The following APLNR variants were observed in gnomAD, a reference collection of about 807,000 sequenced individuals.
APLNR encodes apelin receptor.
Under a neutral mutation model 23.4 loss-of-function variants are expected in APLNR, and 13 were observed. That is an observed-to-expected ratio of 0.56 (90% CI 0.36 to 0.88). APLNR has a LOEUF of 0.88. Among genes scored for constraint, APLNR ranks in the 40% least tolerant of loss-of-function variants. The pLI is 0.01. For synonymous variants in APLNR, 234 were observed against 211.9 expected, an observed-to-expected ratio of 1.10 and a Z score of -0.91; for missense variants, 480 against 517.1, an observed-to-expected ratio of 0.93 and a Z score of 0.70.
At position 57,235,751 on chromosome 11, in the gene APLNR, C is replaced by A; in HGVS notation, c.*111G>T. On this transcript the variant is annotated 3_prime_UTR_variant, in exon 1 of 1. Coordinates refer to ENST00000606794, the MANE Select transcript of APLNR (RefSeq NM_005161.6). ...GACAGGGCGGGGCAGAATCAGGGGA[C>A]AGTTAAAGGATGTGCATAGGACAAG... 2 of 1,234,602 alleles carry A rather than the reference C, an allele frequency of 1.6e-6. No individual in the cohort carries two copies. Among genetic ancestry groups the A allele is most frequent in the Non-Finnish European group, 2.2e-6 (2 of 891,794 alleles). 76.5% of individuals were successfully genotyped at this position (1,234,602 alleles called of 1,614,324 possible).
rs769817882 is a variant in APLNR, at chr11:57,235,961, C to T, written c.1044G>A (p.Ser348=). The T allele has an allele frequency of 3.1e-6, 5 of 1,614,146 alleles. No homozygotes were observed. The highest frequency in any genetic ancestry group is 4.2e-6 in the Non-Finnish European group (5 of 1,180,052). ...SSGEKSASYS[S]GHSQGPGPNM... is the part of the protein sequence containing the mutation. The stretch of plus-strand genomic sequence containing the variant: ...TGGGGCCGGGCCCCTGGCTGTGCCC[C>T]GAAGAGTAGCTGGCTGACTTCTCCC... The change falls in exon 1 of 1, where the codon TCG becomes TCA. Residue 348 remains serine, a synonymous_variant. Transcript: ENST00000606794.
At position 57,234,844 on chromosome 11, in the gene APLNR, G is replaced by C. The variant is rs1044553315; in HGVS notation, c.*1018C>G. On this transcript the variant is annotated 3_prime_UTR_variant, in exon 1 of 1. Coordinates refer to ENST00000606794, the MANE Select transcript of APLNR (RefSeq NM_005161.6). ...GAAAGAAATCAGTATGATGGGGTAAGATGGGGAGATGAGGAAACCCTTCAG... is the reference window on the plus strand; with the variant it reads ...GAAAGAAATCAGTATGATGGGGTAACATGGGGAGATGAGGAAACCCTTCAG... 9 of 152,254 alleles carry C rather than the reference G, an allele frequency of 5.9e-5. No individual in the cohort carries two copies. Among genetic ancestry groups the C allele is most frequent in the African/African-American group, 2.2e-4 (9 of 41,456 alleles). The allele number at this position is 152,254 out of a possible 1,614,324, so 9.4% of individuals were successfully genotyped here.
Position 57,235,951 on chromosome 11 carries a change from G to A in APLNR, c.1054C>T (p.Gln352Ter). The change falls in exon 1 of 1, where the codon CAG becomes TAG. Residue 352 changes from glutamine to a stop codon, truncating the protein, a stop_gained. Coordinates refer to ENST00000606794, the MANE Select transcript of APLNR (RefSeq NM_005161.6). LOFTEE classifies it high-confidence loss of function. The part of the protein sequence containing the change: ...KSASYSSGHS[Q>*]GPGPNMGKGG... ...TTGCCCATGTTGGGGCCGGGCCCCT[G>A]GCTGTGCCCCGAAGAGTAGCTGGCT... 1 of 1,614,296 alleles carries A rather than the reference G, an allele frequency of 6.2e-7. No homozygotes were observed. Among genetic ancestry groups the A allele is most frequent in the Non-Finnish European group, 8.5e-7 (1 of 1,180,058 alleles).
At position 57,236,817 on chromosome 11, in the gene APLNR, G is replaced by A; in HGVS notation, c.188C>T (p.Ser63Leu). ...VFRSSREKRR[S>L]ADIFIASLAV... is the part of the protein sequence containing the mutation. ...CAGGCTAGCAATGAAGATATCAGCTGAGCGCCTCTTCTCCCGGCTGCTCCG... is the reference window on the plus strand; with the variant it reads ...CAGGCTAGCAATGAAGATATCAGCTAAGCGCCTCTTCTCCCGGCTGCTCCG... The change falls in exon 1 of 1, where the codon TCA (serine) becomes TTA (leucine). Residue 63 changes from serine to leucine, a missense_variant. Physicochemically the swap from Ser to Leu is moderately radical, Grantham distance 145 (BLOSUM62 -2). Transcript: ENST00000606794. The A allele has an allele frequency of 6.2e-7, 1 of 1,614,230 alleles. No individual in the cohort carries two copies.
rs565106263 is a variant in APLNR at position 57,236,612 on chromosome 11, G to A, written c.393C>T (p.Ile131=). 180 of 1,610,888 alleles carry A rather than the reference G, an allele frequency of 1.1e-4. No individual in the cohort carries two copies. Among genetic ancestry groups the A allele is most frequent in the South Asian group, 1.1e-3 (99 of 90,870 alleles). The change falls in exon 1 of 1, where the codon ATC becomes ATT. Residue 131 remains isoleucine, a synonymous_variant. Transcript: ENST00000606794. The part of the protein sequence containing the change: ...TGLSFDRYLA[I]VRPVANARLR... Reference sequence around the variant, plus strand: ...GCCGAGCATTGGCCACTGGCCTCACGATGGCCAGGTAGCGGTCGAAGCTGA... The same window carrying A: ...GCCGAGCATTGGCCACTGGCCTCACAATGGCCAGGTAGCGGTCGAAGCTGA...
At position 57,236,779 on chromosome 11, in the gene APLNR, G is replaced by A. The variant is rs1223341865; in HGVS notation, c.226C>T (p.Leu76=). ...AGGGGCAGCGTCACCACGAAGGTCA[G>A]GTCAGCCACCGCCAGGCTAGCAATG... The part of the protein sequence containing the change: ...IFIASLAVAD[L]TFVVTLPLWA... The change falls in exon 1 of 1, where the codon CTG becomes TTG. Residue 76 remains leucine (L), a synonymous_variant. Coordinates refer to ENST00000606794, the MANE Select transcript of APLNR (RefSeq NM_005161.6). 6 of 1,614,212 alleles carry A rather than the reference G, an allele frequency of 3.7e-6. No homozygotes were observed. Among genetic ancestry groups the A allele is most frequent in the Non-Finnish European group, 4.2e-6 (5 of 1,180,052 alleles).
chr11:57,237,138 C>A lies in APLNR; in HGVS notation c.-134G>T. On this transcript the variant is annotated 5_prime_UTR_variant, in exon 1 of 1. Transcript: ENST00000606794. ...AAGAAGGGCTGAAGATGCCCAGAGTCCTTCCCAGCACTCAGGAGGAGCTGC... is the reference window on the plus strand; with the variant it reads ...AAGAAGGGCTGAAGATGCCCAGAGTACTTCCCAGCACTCAGGAGGAGCTGC... The A allele has an allele frequency of 1.1e-6, 1 of 927,280 alleles. No homozygotes were observed. Among genetic ancestry groups the A allele is most frequent in the Non-Finnish European group, 1.6e-6 (1 of 622,940 alleles). The allele number at this position is 927,280 out of a possible 1,614,324, so 57.4% of individuals were successfully genotyped here.
chr11:57,236,585 C>T lies in APLNR; in HGVS notation c.420G>A (p.Leu140=), dbSNP rs1259921671. ...AIVRPVANAR[L]RLRVSGAVAT... ...CCACGGCCCCGCTGACCCGCAGCCTCAGCCGAGCATTGGCCACTGGCCTCA... is the reference window on the plus strand; with the variant it reads ...CCACGGCCCCGCTGACCCGCAGCCTTAGCCGAGCATTGGCCACTGGCCTCA... Residue 140 remains leucine (L), a synonymous_variant, in exon 1 of 1, where the codon CTG becomes CTA. Transcript: ENST00000606794. 1 of 1,612,732 alleles carries T rather than the reference C, an allele frequency of 6.2e-7. No individual in the cohort carries two copies. The highest frequency in any genetic ancestry group is 1.1e-5 in the South Asian group (1 of 90,990).
At position 57,235,054 on chromosome 11, in the gene APLNR, A is replaced by G. The variant is rs1309134929; in HGVS notation, c.*808T>C. On this transcript the variant is annotated 3_prime_UTR_variant, in exon 1 of 1. Transcript: ENST00000606794. ...TGCTGCCTTCCAATTCTCATAGAAA[A>G]TAGAGGAAGGATGAAAGGGTCTGCG... is the stretch of plus-strand genomic sequence containing the variant. 1 of 151,644 alleles carries G rather than the reference A, an allele frequency of 6.6e-6. No homozygotes were observed. The highest frequency in any genetic ancestry group is 1.5e-5 in the Non-Finnish European group (1 of 68,062). The allele number at this position is 151,644 out of a possible 1,614,324, so 9.4% of individuals were successfully genotyped here.
In APLNR at chr11:57,236,528, G is replaced by A. The variant is rs775493268; in HGVS notation, c.477C>T (p.Leu159=). ...ATAVLWVLAA[L]LAMPVMVLRT... is the part of the protein sequence containing the mutation. ...GTAACACCATGACAGGCATGGCCAG[G>A]AGGGCGGCCAGCACCCAAAGAACTG... Residue 159 remains leucine, a synonymous_variant, in exon 1 of 1, where the codon CTC becomes CTT. Transcript: ENST00000606794. The A allele has an allele frequency of 5.6e-6, 9 of 1,614,080 alleles. No homozygotes were observed. The highest frequency in any genetic ancestry group is 7.6e-6 in the Non-Finnish European group (9 of 1,180,054).
chr11:57,236,949 C>T lies in APLNR; in HGVS notation c.56G>A (p.Cys19Tyr), dbSNP rs1855025549. The change falls in exon 1 of 1, where the codon TGT becomes TAT. Residue 19 changes from cysteine (C) to tyrosine (Y), a missense_variant. Cys to Tyr is a radical substitution (Grantham distance 194). Coordinates refer to ENST00000606794, the MANE Select transcript of APLNR (RefSeq NM_005161.6). ...NYYGADNQSECEYTDWKSSGA... is the reference protein window; with the variant it reads ...NYYGADNQSEYEYTDWKSSGA... ...CGAGGATTTCCAGTCTGTGTACTCA[C>T]ACTCAGACTGGTTGTCTGCCCCATA... 5.6e-6 allele frequency: 9 copies of T among 1,612,418 alleles called. No homozygotes were observed. The African/African-American group carries it at 1.1e-4, about 19-fold the overall frequency.
In APLNR at chr11:57,236,451, T is replaced by A; in HGVS notation, c.554A>T (p.Tyr185Phe). Reference protein sequence around the residue: ...NTTKVQCYMDYSMVATVSSEW... With the variant: ...NTTKVQCYMDFSMVATVSSEW... ...TGAGCTCACAGTGGCCACCATGGAG[T>A]AGTCCATGTAGCACTGCACCTTAGT... Residue 185 changes from tyrosine to phenylalanine, a missense_variant, in exon 1 of 1, where the codon TAC becomes TTC. By Grantham distance (22) the Tyr-to-Phe change is conservative. Coordinates refer to ENST00000606794, the MANE Select transcript of APLNR (RefSeq NM_005161.6). 1 of 1,613,978 alleles carries A rather than the reference T, an allele frequency of 6.2e-7. No individual in the cohort carries two copies. Among genetic ancestry groups the A allele is most frequent in the Middle Eastern group, 1.6e-4 (1 of 6,062 alleles).
In APLNR at chr11:57,235,998, T is replaced by G; in HGVS notation, c.1007A>C (p.His336Pro). 1.9e-6 allele frequency: 3 copies of G among 1,614,216 alleles called. No individual in the cohort carries two copies. The highest frequency in any genetic ancestry group is 2.5e-6 in the Non-Finnish European group (3 of 1,180,036). Residue 336 changes from histidine (H) to proline (P), a missense_variant, in exon 1 of 1, where the codon CAC (histidine) becomes CCC (proline). His to Pro is a moderately conservative substitution (Grantham distance 77, BLOSUM62 -2). Coordinates refer to ENST00000606794, the MANE Select transcript of APLNR (RefSeq NM_005161.6). The part of the protein sequence containing the change: ...CGQSRCAGTS[H>P]SSSGEKSASY... Reference sequence around the variant, plus strand: ...GGCTGACTTCTCCCCACTGCTGCTGTGGGAGGTGCCTGCGCACCTGCTCTG... The same window carrying G: ...GGCTGACTTCTCCCCACTGCTGCTGGGGGAGGTGCCTGCGCACCTGCTCTG...
In APLNR at chr11:57,235,760, G is replaced by A. The variant is rs1854999277; in HGVS notation, c.*102C>T. On this transcript the variant is annotated 3_prime_UTR_variant, in exon 1 of 1. Transcript: ENST00000606794. The stretch of plus-strand genomic sequence containing the variant: ...GGGCAGAATCAGGGGACAGTTAAAG[G>A]ATGTGCATAGGACAAGGAGTAGCCA... 1 of 1,311,558 alleles carries A rather than the reference G, an allele frequency of 7.6e-7. No individual in the cohort carries two copies. Among genetic ancestry groups the A allele is most frequent in the Admixed American group, 2.3e-5 (1 of 43,230 alleles). 81.2% of individuals were successfully genotyped at this position (1,311,558 alleles called of 1,614,324 possible).
chr11:57,237,156 G>A lies in APLNR; in HGVS notation c.-152C>T, dbSNP rs550276936. The stretch of plus-strand genomic sequence containing the variant: ...CCAGAGTCCTTCCCAGCACTCAGGA[G>A]GAGCTGCCTCTGGGTTCTCCAGACC... On this transcript the variant is annotated 5_prime_UTR_variant, in exon 1 of 1. Coordinates refer to ENST00000606794, the MANE Select transcript of APLNR (RefSeq NM_005161.6). 30 of 774,050 alleles carry A rather than the reference G, an allele frequency of 3.9e-5. No homozygotes were observed. The highest frequency in any genetic ancestry group is 3.7e-4 in the Admixed American group (12 of 32,072). The allele number at this position is 774,050 out of a possible 1,614,324, so 47.9% of individuals were successfully genotyped here. A position where few individuals can be genotyped will look rare whatever the true frequency, so the allele number is the denominator to read the frequency against.
In APLNR at chr11:57,237,072, T is replaced by G; in HGVS notation, c.-68A>C. The G allele has an allele frequency of 2.0e-6, 3 of 1,476,544 alleles. No individual in the cohort carries two copies. The South Asian group carries it at 4.1e-5, about 20-fold the overall frequency. The allele number at this position is 1,476,544 out of a possible 1,614,324, so 91.5% of individuals were successfully genotyped here. ...CCAGCTCCGTGGCTCTGTCACCCAC[T>G]CTGCAAGCAGCCTGAATTTCTGGCT... On this transcript the variant is annotated 5_prime_UTR_variant, in exon 1 of 1. Coordinates refer to ENST00000606794, the MANE Select transcript of APLNR (RefSeq NM_005161.6).
rs200012705 is a variant in APLNR, at chr11:57,236,121, G to A, written c.884C>T (p.Thr295Ile). 36 of 1,614,214 alleles carry A rather than the reference G, an allele frequency of 2.2e-5. No individual in the cohort carries two copies. In the African/African-American group the frequency reaches 4.7e-4, roughly 21 times the overall value. The change falls in exon 1 of 1, where the codon ACC (threonine) becomes ATC (isoleucine). Residue 295 changes from threonine to isoleucine, a missense_variant. Thr to Ile is a moderately conservative substitution (Grantham distance 89, BLOSUM62 -1). Transcript: ENST00000606794. Reference protein sequence around the residue: ...LFLMNIFPYCTCISYVNSCLN... With the variant: ...LFLMNIFPYCICISYVNSCLN... ...GCAGCTGTTGACGTAGCTGATGCAG[G>A]TGCAGTAGGGGAAGATGTTCATGAG...
In APLNR at chr11:57,236,495, G is replaced by T; in HGVS notation, c.510C>A (p.Thr170=). Reference sequence around the variant, plus strand: ...CCTTAGTGGTGTTCTCCAAGTCCCCGGTGGTGCGTAACACCATGACAGGCA... The same window carrying T: ...CCTTAGTGGTGTTCTCCAAGTCCCCTGTGGTGCGTAACACCATGACAGGCA... ...LAMPVMVLRT[T]GDLENTTKVQ... The change falls in exon 1 of 1, where the codon ACC becomes ACA. Residue 170 remains threonine (T), a synonymous_variant. Coordinates refer to ENST00000606794, the MANE Select transcript of APLNR (RefSeq NM_005161.6). The T allele has an allele frequency of 1.9e-6, 3 of 1,614,200 alleles. No individual in the cohort carries two copies. The highest frequency in any genetic ancestry group is 2.2e-5 in the South Asian group (2 of 91,082).
rs780449482 is a variant in APLNR, at chr11:57,236,662, C to T, written c.343G>A (p.Ala115Thr). 3.7e-6 allele frequency: 6 copies of T among 1,608,596 alleles called. No homozygotes were observed. The highest frequency in any genetic ancestry group is 2.2e-5 in the East Asian group (1 of 44,756). ...SSYLIFVNMY[A>T]SVFCLTGLSF... ...AGGCCGGTGAGGCAGAAGACGCTGG[C>T]GTACATGTTGACGAAGATGAGGTAG... Residue 115 changes from alanine (A) to threonine (T), a missense_variant, in exon 1 of 1, where the codon GCC becomes ACC. Transcript: ENST00000606794.
Sources: gnomAD v4.1 joint callset for allele counts on GRCh38, gnomAD v4.1.1 for gene constraint, MANE v1.5 for transcripts, NCBI Gene and HGNC (gene_info 2026-07-23, HGNC 2026-07-21) for gene names.